Variants in RARB observed in about 807,000 individuals in gnomAD.
RARB encodes HBV-activated protein.
In RARB, 17 loss-of-function variants were observed where a neutral mutation model predicts 51.9. The observed-to-expected ratio is 0.33, with a 90% CI of 0.22 to 0.49. The LOEUF (loss-of-function observed/expected upper bound fraction) is 0.49. RARB is among the 20% of genes least tolerant of loss of function. RARB has a pLI of 0.99. For synonymous variants in RARB, 215 were observed against 195.4 expected, an observed-to-expected ratio of 1.10 and a Z score of -0.84; for missense variants, 369 against 550.8, an observed-to-expected ratio of 0.67 and a Z score of 3.30.
chr3:25,077,564 CTATT>C lies in RARB; in HGVS notation c.-328+17392_-328+17395del, dbSNP rs538660793. ...AGTAGTCAATGGTACTAATATATCTCTATTTATCTATTTTTCTTTGGTGGATGGA... is the reference window on the plus strand; with the variant it reads ...AGTAGTCAATGGTACTAATATATCTCTATCTATTTTTCTTTGGTGGATGGA... On this transcript the variant is annotated intron_variant, in intron 3 of 11. Transcript: ENST00000383772. 5.6e-4 allele frequency among the ~76,000 whole-genome samples: 85 copies of C among 152,148 alleles called. 2 individuals carry two copies. The highest frequency in any genetic ancestry group is 1.3e-3 in the Admixed American group (20 of 15,278).
chr3:25,375,876 AG>A (rs1246106298), intron 5 of RARB, among the ~76,000 whole-genome samples: 1 of 152,230 alleles, frequency 6.6e-6, no homozygotes, highest in Non-Finnish European at 1.5e-5. Context: ...CCAGACTTCC[AG>A]GATTCAAGTT....
intron 2 of RARB, among the ~76,000 whole-genome samples, chr3:25,488,736 T>C (rs1559429719): frequency 6.6e-6 from 1 of 152,208 alleles, no homozygotes; most frequent in Non-Finnish European, 1.5e-5. Context: ...AGCTTTTCAC[T>C]CAAGATATAT....
At chr3:25,182,274 T>G (rs1386962692) in intron 5 of RARB, among the ~76,000 whole-genome samples, 1 of 152,120 alleles carries the variant, frequency 6.6e-6, no homozygotes, top group Admixed American at 6.6e-5. Context: ...GCTCTAGCTG[T>G]TGAGAGGAAG....
chr3:24,903,085 T>G (rs1575063205), intron 2 of RARB, among the ~76,000 whole-genome samples: 1 of 152,106 alleles, frequency 6.6e-6, no homozygotes, highest in South Asian at 2.1e-4. Context: ...ATAGAATTTA[T>G]GAAAAATCTC....
At position 25,461,196 on chromosome 3, in the gene RARB, T is replaced by C. The variant is rs1295111899; in HGVS notation, c.161T>C (p.Ile54Thr). 6.2e-7 allele frequency: 1 copy of C among 1,607,942 alleles called. No individual in the cohort carries two copies. The change falls in exon 2 of 8, where the codon ATT becomes ACT. Residue 54 changes from isoleucine to threonine, a missense_variant. Physicochemically the swap from Ile to Thr is moderately conservative, Grantham distance 89. Around this residue, in one of 9 missense-constraint regions of RARB, gnomAD observed 99 missense variants for 95.1 expected, o/e 1.04. Coordinates refer to ENST00000330688, the MANE Select transcript of RARB (RefSeq NM_000965.5). ...CTCTACCCCATCTCTATTATAGCAATTGAAACACAGAGCACCAGCTCTGAG... is the reference window on the plus strand; with the variant it reads ...CTCTACCCCATCTCTATTATAGCAACTGAAACACAGAGCACCAGCTCTGAG... The part of the protein sequence containing the change: ...EWQHRHTAQS[I>T]ETQSTSSEEL...
In RARB at chr3:25,222,776, C is replaced by T. The variant is rs76759089; in HGVS notation, c.178+48201C>T. Among the ~76,000 whole-genome samples the T allele has an allele frequency of 2.0e-5, 3 of 152,212 alleles. No individual in the cohort carries two copies. In the East Asian group the frequency reaches 5.8e-4, roughly 29 times the overall value. On this transcript the variant is annotated intron_variant, in intron 5 of 11. Transcript: ENST00000383772. ...TGCAATGGTAATAATACTGGAAATACAGTAACATTCTTCATAGTGATTTTT... is the reference window on the plus strand; with the variant it reads ...TGCAATGGTAATAATACTGGAAATATAGTAACATTCTTCATAGTGATTTTT...
chr3:24,883,916 T>C (rs529220518), intron 2 of RARB, among the ~76,000 whole-genome samples: 2 of 152,300 alleles, frequency 1.3e-5, no homozygotes, highest in Admixed American at 6.5e-5. Context: ...TTAGGCTCTA[T>C]GTGGTTATTT....
chr3:25,549,011 G>A (rs748373078), intron 3 of RARB, among the ~76,000 whole-genome samples: 3 of 151,730 alleles, frequency 2.0e-5, no homozygotes, highest in Non-Finnish European at 4.4e-5. Context: ...TCTATTTGTG[G>A]CTTCTAGCCA....
chr3:25,207,557 A>G (rs1011756906), intron 5 of RARB, among the ~76,000 whole-genome samples: 2 of 152,186 alleles, frequency 1.3e-5, no homozygotes, highest in African/African-American at 4.8e-5. Context: ...AACATAAATA[A>G]AAATGCCAGT....
rs1559477590 is a variant in RARB, at chr3:25,130,951, T to TTATC, written c.-327-1210_-327-1209insTATC. Reference sequence around the variant, plus strand: ...TATCATTGATAATATCAATATTTATTATTGATAATATTATCAATATTTATT... The same window carrying TTATC: ...TATCATTGATAATATCAATATTTATTTATCATTGATAATATTATCAATATTTATT... On this transcript the variant is annotated intron_variant, in intron 3 of 11. Coordinates refer to the RARB transcript ENST00000383772. Among the ~76,000 whole-genome samples, 2 of 80,552 alleles carry TTATC rather than the reference T, an allele frequency of 2.5e-5. 1 individual carries two copies. Among genetic ancestry groups the TTATC allele is most frequent in the African/African-American group, 1.0e-4 (2 of 19,508 alleles). The allele number at this position is 80,552 out of a possible 152,430, so 52.8% of individuals were successfully genotyped here.
intron 5 of RARB, among the ~76,000 whole-genome samples, chr3:25,206,127 A>G (rs989228416): frequency 6.6e-5 from 10 of 152,222 alleles, no homozygotes; most frequent in Admixed American, 1.3e-4. Flanking sequence ...GTCAAGGATC[A>G]TCTGTATAGA....
chr3:25,006,363 TATA>T (rs1468551176), intron 2 of RARB, among the ~76,000 whole-genome samples: 2 of 152,190 alleles, frequency 1.3e-5, no homozygotes, highest in African/African-American at 4.8e-5. Context: ...TGATTCATCT[TATA>T]GTAGGAGATA....
intron 3 of RARB, among the ~76,000 whole-genome samples, chr3:25,525,502 A>G (rs964832154): frequency 7.2e-5 from 11 of 152,186 alleles, no homozygotes; most frequent in African/African-American, 9.7e-5. Flanking sequence ...TCATGCCTTC[A>G]TGAATTGACT....
chr3:25,006,854 A>G (rs1697282142), intron 2 of RARB, among the ~76,000 whole-genome samples: 1 of 152,158 alleles, frequency 6.6e-6, no homozygotes, highest in Non-Finnish European at 1.5e-5. Context: ...AATTCACTAA[A>G]TAGAACTTTT....
chr3:25,449,591 C>A (rs373485305), intron 1 of RARB, among the ~76,000 whole-genome samples: 1 of 152,112 alleles, frequency 6.6e-6, no homozygotes, highest in Non-Finnish European at 1.5e-5. Flanking sequence ...ACATGGGGGT[C>A]AGACCCATTC....
intron 2 of RARB, among the ~76,000 whole-genome samples, chr3:24,869,202 T>C (rs1702901338): frequency 6.6e-6 from 1 of 152,178 alleles, no homozygotes; most frequent in Non-Finnish European, 1.5e-5. Flanking sequence ...AAATCACTAA[T>C]AGCAACTAAA....
intron 3 of RARB, among the ~76,000 whole-genome samples, chr3:25,563,805 G>T (rs1242765796): frequency 6.6e-6 from 1 of 152,184 alleles, no homozygotes; most frequent in African/African-American, 2.4e-5. Flanking sequence ...CATTATTCTT[G>T]CAGTTAGCAA....
At position 25,548,101 on chromosome 3, in the gene RARB, CTTT is replaced by C. The variant is rs66817079; in HGVS notation, c.449-21641_449-21639del. On this transcript the variant is annotated intron_variant, in intron 3 of 7. Transcript: ENST00000330688. ...ATTGTCATTTCTGTGATTCATTTGG[CTTT>C]TTTTTTTTTTTTTTTGAAGTGGACT... 3.9e-3 allele frequency among the ~76,000 whole-genome samples: 492 copies of C among 126,256 alleles called. 1 individual carries two copies. The highest frequency in any genetic ancestry group is 8.5e-3 in the Middle Eastern group (2 of 234). 82.8% of individuals were successfully genotyped at this position (126,256 alleles called of 152,430 possible). A position where few individuals can be genotyped will look rare whatever the true frequency, so the allele number is the denominator to read the frequency against.
chr3:25,220,531 G>A (rs1701924847), intron 5 of RARB, among the ~76,000 whole-genome samples: 2 of 152,140 alleles, frequency 1.3e-5, no homozygotes, highest in African/African-American at 2.4e-5. Flanking sequence ...ACCACACGGA[G>A]GTAATTGAAT....
Sources: gnomAD v4.1 joint callset for allele counts (sites outside exome capture counted in the v4.1 genomes callset) on GRCh38, gnomAD v4.1.1 for gene constraint, gnomAD v4.1.1 regional missense constraint, MANE v1.5 for transcripts, NCBI Gene and HGNC (gene_info 2026-07-23, HGNC 2026-07-21) for gene names.